The following CACNB3 variants were observed in gnomAD, a reference collection of about 807,000 sequenced individuals.
The protein encoded by CACNB3 is voltage-dependent L-type calcium channel subunit beta-3.
CACNB3 carries 36 observed loss-of-function variants against 63.7 expected under a neutral mutation model. The observed-to-expected ratio is 0.57, with a 90% CI of 0.43 to 0.75. The LOEUF (loss-of-function observed/expected upper bound fraction) is 0.75. Ranked by LOEUF, CACNB3 falls within the 30% of genes least tolerant of loss-of-function variation. CACNB3 has a pLI of 0.00. For missense variants in CACNB3, 493 were observed against 648.6 expected, an observed-to-expected ratio of 0.76 and a Z score of 2.61; for synonymous variants, 241 against 250.6, an observed-to-expected ratio of 0.96 and a Z score of 0.36.
chr12:48,814,824 C>A (rs564485039), upstream of CACNB3: 1 of 376,762 alleles, frequency 2.7e-6, no homozygotes, highest in South Asian at 1.1e-4. The surrounding 1 kb of genome is among the most constrained non-coding windows in gnomAD (Gnocchi z 6.9). Context: ...GTGCCGCCAC[C>A]TGGAGGGCGC....
upstream of CACNB3, among the ~76,000 whole-genome samples, chr12:48,816,680 A>G (rs1335293311): frequency 1.3e-5 from 2 of 152,226 alleles, no homozygotes; most frequent in Non-Finnish European, 2.9e-5. Flanking sequence ...ATGCCTCAGG[A>G]GCAGACTTAG....
chr12:48,826,962 C>G lies in CACNB3; in HGVS notation c.991-12C>G. On this transcript the variant is annotated splice_polypyrimidine_tract_variant and intron_variant, in intron 11 of 12. Transcript: ENST00000301050. The surrounding 1 kb of genome is among the most constrained non-coding windows in gnomAD (Gnocchi z 4.8). ...GGGGAAACCAACGTTGCGCCTTCCTCCCCCTCCCCAGGAGTCATTTGATGT... is the reference window on the plus strand; with the variant it reads ...GGGGAAACCAACGTTGCGCCTTCCTGCCCCTCCCCAGGAGTCATTTGATGT... 6.2e-7 allele frequency: 1 copy of G among 1,613,808 alleles called. No homozygotes were observed. Among genetic ancestry groups the G allele is most frequent in the Non-Finnish European group, 8.5e-7 (1 of 1,179,848 alleles).
chr12:48,815,740 G>C (rs1191537670), upstream of CACNB3: 2 of 1,406,774 alleles, frequency 1.4e-6, no homozygotes, highest in South Asian at 1.2e-5. Flanking sequence ...TAACCGTGGG[G>C]GGGGTGTGGG....
upstream of CACNB3, chr12:48,815,499 G>A: frequency 2.9e-6 from 4 of 1,375,464 alleles, no homozygotes; most frequent in Non-Finnish European, 2.9e-6. Context: ...GGGAGAGGGA[G>A]GGAGGGAGGA....
In CACNB3 at chr12:48,823,955, A is replaced by G; in HGVS notation, c.291+152A>G. 2 of 981,224 alleles carry G rather than the reference A, an allele frequency of 2.0e-6. No individual in the cohort carries two copies. Among genetic ancestry groups the G allele is most frequent in the Non-Finnish European group, 3.0e-6 (2 of 669,794 alleles). 60.8% of individuals were successfully genotyped at this position (981,224 alleles called of 1,614,324 possible). On this transcript the variant is annotated intron_variant, in intron 3 of 12. Coordinates refer to ENST00000301050, the MANE Select transcript of CACNB3 (RefSeq NM_000725.4). This position sits in a 1 kb window ranked among gnomAD's most constrained non-coding sequence, Gnocchi z 4.2. ...CACCTGTCCACCCCTCATATCTAAG[A>G]TCTCATCCCCAGGGTCTCCATCCTT...
chr12:48,825,676 G>T lies in CACNB3; in HGVS notation c.649G>T (p.Val217Phe). Reference protein sequence around the residue: ...RFDGRISITRVTADLSLAKRS... With the variant: ...RFDGRISITRFTADLSLAKRS... ...CCACCCCAGGATCTCCATCACCCGAGTCACAGCCGACCTCTCCCTGGCAAA... is the reference window on the plus strand; with the variant it reads ...CCACCCCAGGATCTCCATCACCCGATTCACAGCCGACCTCTCCCTGGCAAA... The change falls in exon 9 of 13, where the codon GTC (valine) becomes TTC (phenylalanine). Residue 217 changes from valine (V) to phenylalanine (F), a missense_variant. Physicochemically the swap from Val to Phe is conservative, Grantham distance 50. Transcript: ENST00000301050. This position sits in a 1 kb window ranked among gnomAD's most constrained non-coding sequence, Gnocchi z 4.5. 6.2e-7 allele frequency: 1 copy of T among 1,614,096 alleles called. No individual in the cohort carries two copies. The highest frequency in any genetic ancestry group is 8.5e-7 in the Non-Finnish European group (1 of 1,179,962).
At chr12:48,821,442 C>T (rs1937843852) in intron 1 of CACNB3, 2 of 152,180 alleles carry the variant, frequency 1.3e-5, no homozygotes, top group African/African-American at 4.8e-5. Flanking sequence ...TGTGCCACTA[C>T]ACTCCAGCCT....
chr12:48,818,414 G>A (rs1348038111), upstream of CACNB3: 7 of 983,942 alleles, frequency 7.1e-6, no homozygotes, highest in Non-Finnish European at 8.4e-6. The surrounding 1 kb of genome is among the most constrained non-coding windows in gnomAD (Gnocchi z 4.3). Context: ...GTAGTTCCTG[G>A]GTTGCCGAGC....
Position 48,827,726 on chromosome 12 carries a change from G to A in CACNB3, c.1282G>A (p.Asp428Asn). The change falls in exon 13 of 13, where the codon GAC (aspartate) becomes AAC (asparagine). Residue 428 changes from aspartate to asparagine, a missense_variant. Coordinates refer to ENST00000301050, the MANE Select transcript of CACNB3 (RefSeq NM_000725.4). ...GCGTAGCTCCCGCCACCTGGAGGAG[G>A]ACTATGCAGATGCCTACCAGGACCT... ...SQRSSRHLEE[D>N]YADAYQDLYQ... 1 of 1,614,150 alleles carries A rather than the reference G, an allele frequency of 6.2e-7. No homozygotes were observed. The highest frequency in any genetic ancestry group is 8.5e-7 in the Non-Finnish European group (1 of 1,180,032).
intron 12 of CACNB3, 101 bp from the exon 13 acceptor site, chr12:48,827,484 T>A: frequency 8.9e-7 from 1 of 1,125,854 alleles, no homozygotes; most frequent in East Asian, 2.4e-5. Flanking sequence ...CTATTTCCTT[T>A]ACCGGGGAAT....
In CACNB3 at chr12:48,827,088, C is replaced by T; in HGVS notation, c.1105C>T (p.Leu369Phe). Residue 369 changes from leucine to phenylalanine, a missense_variant, in exon 12 of 13, where the codon CTT becomes TTT. Coordinates refer to ENST00000301050, the MANE Select transcript of CACNB3 (RefSeq NM_000725.4). Reference protein sequence around the residue: ...ATHHPAPGPGLLGPPSAIPGL... With the variant: ...ATHHPAPGPGFLGPPSAIPGL... ...GCACCACCCAGCCCCTGGCCCCGGACTTCTGGGTCCTCCCAGTGCCATCCC... is the reference window on the plus strand; with the variant it reads ...GCACCACCCAGCCCCTGGCCCCGGATTTCTGGGTCCTCCCAGTGCCATCCC... 6.2e-7 allele frequency: 1 copy of T among 1,613,034 alleles called. No individual in the cohort carries two copies. Among genetic ancestry groups the T allele is most frequent in the Non-Finnish European group, 8.5e-7 (1 of 1,180,028 alleles).
chr12:48,823,987 C>G lies in CACNB3; in HGVS notation c.291+184C>G. 1.2e-6 allele frequency: 1 copy of G among 804,648 alleles called. No homozygotes were observed. The highest frequency in any genetic ancestry group is 1.9e-6 in the Non-Finnish European group (1 of 518,702). 49.8% of individuals were successfully genotyped at this position (804,648 alleles called of 1,614,324 possible). A position where few individuals can be genotyped will look rare whatever the true frequency, so the allele number is the denominator to read the frequency against. On this transcript the variant is annotated intron_variant, in intron 3 of 12. Transcript: ENST00000301050. The surrounding 1 kb of genome is among the most constrained non-coding windows in gnomAD (Gnocchi z 4.2). ...CCCCAGGGTCTCCATCCTTCTGAGA[C>G]CTGGCTTGGGCATCAGTCTCCATGT... is the stretch of plus-strand genomic sequence containing the variant.
At chr12:48,818,178 C>T (rs1423175312), upstream of CACNB3, among the ~76,000 whole-genome samples, 2 of 152,198 alleles carry the variant, frequency 1.3e-5, no homozygotes, top group Admixed American at 6.5e-5. The surrounding 1 kb of genome is among the most constrained non-coding windows in gnomAD (Gnocchi z 4.3). Flanking sequence ...GGGCCCAGAC[C>T]CGCCCTGCTG....
chr12:48,826,874 GCTCCTGTGCCCACT>G lies in CACNB3; in HGVS notation c.990+22_990+35del, dbSNP rs1938166740. 2.5e-6 allele frequency: 4 copies of G among 1,612,590 alleles called. No individual in the cohort carries two copies. In the East Asian group the frequency reaches 8.9e-5, roughly 36 times the overall value. The stretch of plus-strand genomic sequence containing the variant: ...CCACCGGTGAGTGCCTGGGTCAGCT[GCTCCTGTGCCCACT>G]CCCCCAGGGCTGCGGCAGTGATAGA... On this transcript the variant is annotated intron_variant, in intron 11 of 12. Coordinates refer to ENST00000301050, the MANE Select transcript of CACNB3 (RefSeq NM_000725.4). This position sits in a 1 kb window ranked among gnomAD's most constrained non-coding sequence, Gnocchi z 4.8.
At chr12:48,815,660 G>T, upstream of CACNB3, 1 of 1,533,734 alleles carries the variant, frequency 6.5e-7, no homozygotes. Flanking sequence ...TGGCCCGGGG[G>T]AGGGGGAGAG....
In CACNB3 at chr12:48,826,809, G is replaced by A; in HGVS notation, c.945G>A (p.Leu315=). The A allele has an allele frequency of 6.2e-7, 1 of 1,614,176 alleles. No individual in the cohort carries two copies. Among genetic ancestry groups the A allele is most frequent in the Non-Finnish European group, 8.5e-7 (1 of 1,180,040 alleles). Reference sequence around the variant, plus strand: ...GGGGGAAGTCACAGATGAAGCACCTGACCGTACAGATGATGGCATATGATA... The same window carrying A: ...GGGGGAAGTCACAGATGAAGCACCTAACCGTACAGATGATGGCATATGATA... ...RSRGKSQMKH[L]TVQMMAYDKL... The change falls in exon 11 of 13, where the codon CTG becomes CTA. Residue 315 remains leucine, a synonymous_variant. Transcript: ENST00000301050. The surrounding 1 kb of genome is among the most constrained non-coding windows in gnomAD (Gnocchi z 4.8).
At chr12:48,816,820 G>T (rs1344694456), upstream of CACNB3, 1 of 985,182 alleles carries the variant, frequency 1.0e-6, no homozygotes, top group Non-Finnish European at 1.2e-6. Context: ...CAGGAGAGTG[G>T]ATGCAGGGAT....
At chr12:48,814,659 C>G, upstream of CACNB3, 2 of 1,180,396 alleles carry the variant, frequency 1.7e-6, no homozygotes, top group Non-Finnish European at 2.3e-6. The surrounding 1 kb of genome is among the most constrained non-coding windows in gnomAD (Gnocchi z 6.9). Flanking sequence ...GGGTCTCGAG[C>G]TGGGACTGCA....
chr12:48,828,881 G>C lies in CACNB3; in HGVS notation c.*982G>C. The C allele has an allele frequency of 2.5e-6, 1 of 403,538 alleles. No individual in the cohort carries two copies. Among genetic ancestry groups the C allele is most frequent in the South Asian group, 1.8e-5 (1 of 55,610 alleles). The allele number at this position is 403,538 out of a possible 1,614,324, so 25.0% of individuals were successfully genotyped here. A position where few individuals can be genotyped will look rare whatever the true frequency, so the allele number is the denominator to read the frequency against. The stretch of plus-strand genomic sequence containing the variant: ...ATGGCTCTAGTGTGTGACCTACAGA[G>C]CATGCTCCACAAGCCCCTGCCTCAC... On this transcript the variant is annotated 3_prime_UTR_variant, in exon 13 of 13. Coordinates refer to ENST00000301050, the MANE Select transcript of CACNB3 (RefSeq NM_000725.4).
Sources: gnomAD v4.1 joint callset for allele counts (sites outside exome capture counted in the v4.1 genomes callset) on GRCh38, gnomAD v4.1.1 for gene constraint, Gnocchi (gnomAD v3.1) non-coding constraint, MANE v1.5 for transcripts, NCBI Gene and HGNC (gene_info 2026-07-23, HGNC 2026-07-21) for gene names.